MAPRE2: variants seen among roughly 807,000 people sequenced by gnomAD.
MAPRE2 encodes microtubule associated protein RP/EB family member 2, also known as microtubule-associated protein RP/EB family member 2.
In MAPRE2, 13 loss-of-function variants were observed where a neutral mutation model predicts 43.2. The ratio of observed to expected loss-of-function variants is 0.30; its 90% CI spans 0.20 to 0.48. The LOEUF is 0.48. MAPRE2 is among the 20% of genes least tolerant of loss of function. The pLI, the probability that MAPRE2 is intolerant of heterozygous loss-of-function variation, is 0.99. For synonymous variants in MAPRE2, 135 were observed against 148.8 expected, an observed-to-expected ratio of 0.91 and a Z score of 0.68; for missense variants, 161 against 400.2, an observed-to-expected ratio of 0.40 and a Z score of 5.10.
chr18:35,113,110 C>G (rs1909253193), intron 4 of MAPRE2, among the ~76,000 whole-genome samples: 1 of 152,200 alleles, frequency 6.6e-6, no homozygotes, highest in African/African-American at 2.4e-5. Context: ...ACGTATAGAT[C>G]TGGGGGGGAA....
intron 1 of MAPRE2, among the ~76,000 whole-genome samples, chr18:35,052,499 G>A: frequency 6.6e-6 from 1 of 152,114 alleles, no homozygotes; most frequent in East Asian, 1.9e-4. Context: ...CAGTTTTTAG[G>A]AATTATGAAG....
chr18:35,036,128 T>C (rs1486672024), intron 2 of MAPRE2, among the ~76,000 whole-genome samples: 2 of 151,780 alleles, frequency 1.3e-5, no homozygotes, highest in Admixed American at 6.6e-5. Flanking sequence ...AATGGTACTA[T>C]TATCTACTTG....
chr18:34,982,254 A>G (rs1344007934), intron 1 of MAPRE2, among the ~76,000 whole-genome samples: 1 of 152,174 alleles, frequency 6.6e-6, no homozygotes, highest in Non-Finnish European at 1.5e-5. Flanking sequence ...TTAGCTTTTC[A>G]TCTAGGTAAC....
chr18:34,980,998 C>A (rs1029709958), intron 1 of MAPRE2, among the ~76,000 whole-genome samples: 1 of 151,870 alleles, frequency 6.6e-6, no homozygotes, highest in African/African-American at 2.4e-5. Context: ...TTCCAAAGAC[C>A]AAAATGATAT....
At chr18:35,029,796 T>G (rs910112955) in intron 2 of MAPRE2, among the ~76,000 whole-genome samples, 16 of 152,102 alleles carry the variant, frequency 1.1e-4, no homozygotes, top group Non-Finnish European at 2.1e-4. Context: ...AAGATGGAAA[T>G]AAAATAGAGA....
intron 2 of MAPRE2, among the ~76,000 whole-genome samples, chr18:35,073,426 G>C (rs1769738640): frequency 6.6e-6 from 1 of 152,112 alleles, no homozygotes; most frequent in Admixed American, 6.5e-5. Flanking sequence ...TCATACTTAT[G>C]AGTAGTCAGA....
intron 1 of MAPRE2, among the ~76,000 whole-genome samples, chr18:34,986,519 G>A (rs1374414743): frequency 6.6e-6 from 1 of 152,160 alleles, no homozygotes; most frequent in Non-Finnish European, 1.5e-5. Context: ...CTCTTCGGTA[G>A]TTTCACTTCC....
At chr18:35,117,084 G>A (rs925561137) in intron 4 of MAPRE2, among the ~76,000 whole-genome samples, 12 of 152,224 alleles carry the variant, frequency 7.9e-5, no homozygotes, top group Admixed American at 5.9e-4. Flanking sequence ...GTAGCCATGC[G>A]GGTGATGGAG....
intron 2 of MAPRE2, among the ~76,000 whole-genome samples, chr18:35,034,567 A>T (rs984281884): frequency 4.3e-4 from 65 of 152,196 alleles, no homozygotes; most frequent in African/African-American, 1.4e-3. Flanking sequence ...CATCAGAGTG[A>T]ACAGGCAACC....
At chr18:35,135,353 G>T (rs1666718191) in intron 6 of MAPRE2, among the ~76,000 whole-genome samples, 1 of 152,092 alleles carries the variant, frequency 6.6e-6, no homozygotes, top group South Asian at 2.1e-4. Context: ...TGACTCTGCC[G>T]AGAGGCTCAG....
Position 35,140,497 on chromosome 18 carries a change from G to T in MAPRE2, c.*128G>T, listed in dbSNP as rs553213495. ...AATCTGCCGTTACCATCAACGCACTGTTGCATATGCCAGCCACTGCGCTTG... is the reference window on the plus strand; with the variant it reads ...AATCTGCCGTTACCATCAACGCACTTTTGCATATGCCAGCCACTGCGCTTG... On this transcript the variant is annotated 3_prime_UTR_variant, in exon 7 of 7. Transcript: ENST00000300249. 4.4e-6 allele frequency: 4 copies of T among 909,242 alleles called. No individual in the cohort carries two copies. Among genetic ancestry groups the T allele is most frequent in the Non-Finnish European group, 6.7e-6 (4 of 599,162 alleles). The allele number at this position is 909,242 out of a possible 1,614,324, so 56.3% of individuals were successfully genotyped here.
intron 4 of MAPRE2, among the ~76,000 whole-genome samples, chr18:35,120,017 C>T (rs1909602109): frequency 6.6e-6 from 1 of 152,076 alleles, no homozygotes; most frequent in African/African-American, 2.4e-5. Flanking sequence ...AGTCATGTAC[C>T]CCTCCCAACT....
At position 35,097,490 on chromosome 18, in the gene MAPRE2, A is replaced by G; in HGVS notation, c.295A>G (p.Ile99Val). The G allele has an allele frequency of 6.2e-7, 1 of 1,613,940 alleles. No individual in the cohort carries two copies. The highest frequency in any genetic ancestry group is 8.5e-7 in the Non-Finnish European group (1 of 1,179,862). ...QFMDMLFPGC[I>V]SLKKVKFQAK... ...CATGGACATGCTCTTCCCTGGCTGC[A>G]TTAGTTTGAAGAAAGTAAAATTTCA... Residue 99 changes from isoleucine to valine, a missense_variant, in exon 3 of 7, where the codon ATT (isoleucine) becomes GTT (valine). This residue lies in a region of MAPRE2 where 65 missense variants were observed against 246.9 expected (regional missense o/e 0.26). Transcript: ENST00000300249.
At chr18:35,045,702 A>G (rs1235935966) in intron 1 of MAPRE2, among the ~76,000 whole-genome samples, 1 of 152,224 alleles carries the variant, frequency 6.6e-6, no homozygotes, top group Admixed American at 6.5e-5. Context: ...ATCAGAACAT[A>G]GGCTTCACAT....
chr18:35,051,616 G>A (rs1372188072), intron 1 of MAPRE2, among the ~76,000 whole-genome samples: 1 of 152,220 alleles, frequency 6.6e-6, no homozygotes, highest in Non-Finnish European at 1.5e-5. Flanking sequence ...AGGAGGACCA[G>A]TTGGGGTCCT....
chr18:35,018,585 T>G (rs778838163), intron 2 of MAPRE2, among the ~76,000 whole-genome samples: 38 of 151,982 alleles, frequency 2.5e-4, no homozygotes, highest in Non-Finnish European at 4.9e-4. Context: ...TTTATCCATT[T>G]CCTCTAGATT....
chr18:34,999,503 A>G (rs892428200), intron 1 of MAPRE2, among the ~76,000 whole-genome samples: 9 of 152,336 alleles, frequency 5.9e-5, no homozygotes, highest in Middle Eastern at 6.8e-3. Context: ...TTTGTACGAA[A>G]AGAACTGAAT....
intron 6 of MAPRE2, among the ~76,000 whole-genome samples, chr18:35,135,342 A>G (rs909911238): frequency 6.6e-6 from 1 of 152,140 alleles, no homozygotes; most frequent in Non-Finnish European, 1.5e-5. Context: ...CTGTGCATGC[A>G]TGACTCTGCC....
At chr18:35,053,002 T>G (rs1253797291) in intron 1 of MAPRE2, among the ~76,000 whole-genome samples, 3 of 99,248 alleles carry the variant, frequency 3.0e-5, no homozygotes, top group Non-Finnish European at 7.2e-5. Context: ...GAATATAAAG[T>G]CCCCCCCACA....
Sources: allele counts gnomAD v4.1 joint callset (sites outside exome capture counted in the v4.1 genomes callset), GRCh38; gene constraint gnomAD v4.1.1; regional missense constraint gnomAD v4.1.1; transcripts MANE v1.5; gene names NCBI Gene and HGNC (gene_info 2026-07-23, HGNC 2026-07-21).